Variants in SAMD12 observed in about 807,000 individuals in gnomAD.
SAMD12 encodes the protein sterile alpha motif domain-containing protein 12.
SAMD12 carries 9 observed loss-of-function variants against 15.0 expected under a neutral mutation model. The ratio of observed to expected loss-of-function variants is 0.60; its 90% CI spans 0.36 to 1.05. SAMD12 has a LOEUF of 1.05. Ranked by LOEUF, SAMD12 falls within the 50% of genes least tolerant of loss-of-function variation. The pLI, the probability that SAMD12 is intolerant of heterozygous loss-of-function variation, is 0.01. For missense variants in SAMD12, 230 were observed against 234.2 expected (o/e 0.98, Z 0.12); for synonymous variants, 86 against 90.1 (o/e 0.96, Z 0.25).
rs865946439 is a variant in SAMD12 at position 118,551,960 on chromosome 8, T to C, written c.192+28755A>G. 4.6e-5 allele frequency among the ~76,000 whole-genome samples: 7 copies of C among 151,330 alleles called. No individual in the cohort carries two copies. The South Asian group carries it at 1.5e-3, about 32-fold the overall frequency. ...GATAAATTCCTCGACACATACACTC[T>C]CCCAAGACTAAACCAGGAAGAAGTT... On this transcript the variant is annotated intron_variant, in intron 2 of 3. Transcript: ENST00000314727.
At chr8:118,551,946 C>G (rs372732499) in intron 2 of SAMD12, among the ~76,000 whole-genome samples, 41 of 151,088 alleles carry the variant, frequency 2.7e-4, no homozygotes, top group South Asian at 1.5e-3. Flanking sequence ...ATAAATTCCT[C>G]GACACATACA....
At chr8:118,440,695 C>CACACAA (rs1441761979) in intron 2 of SAMD12, among the ~76,000 whole-genome samples, 11 of 133,562 alleles carry the variant, frequency 8.2e-5, no homozygotes, top group African/African-American at 3.5e-4. Flanking sequence ...CACACACACA[C>CACACAA]AAACACACAC....
chr8:118,552,104 A>G (rs1014973421), intron 2 of SAMD12, among the ~76,000 whole-genome samples: 118 of 152,288 alleles, frequency 7.7e-4, no homozygotes, highest in Middle Eastern at 3.4e-3. Context: ...AGGTACGAGG[A>G]GGAACTGGTA....
chr8:118,523,819 A>G (rs1204533219), intron 2 of SAMD12, among the ~76,000 whole-genome samples: 1 of 152,096 alleles, frequency 6.6e-6, no homozygotes, highest in African/African-American at 2.4e-5. Flanking sequence ...ATTATGTCTG[A>G]AAACAGAGAA....
intron 2 of SAMD12, among the ~76,000 whole-genome samples, chr8:118,527,013 C>T (rs1825554306): frequency 6.6e-6 from 1 of 152,220 alleles, no homozygotes; most frequent in South Asian, 2.1e-4. Context: ...CAGCTCCAAA[C>T]CATATAATCA....
At chr8:118,612,744 C>T (rs142067454) in intron 1 of SAMD12, among the ~76,000 whole-genome samples, 362 of 152,300 alleles carry the variant, frequency 2.4e-3, no homozygotes, top group African/African-American at 8.0e-3. Context: ...AATTTAGGTT[C>T]GCACAACCTG....
chr8:118,486,296 G>C (rs1425392849), intron 2 of SAMD12, among the ~76,000 whole-genome samples: 1 of 151,812 alleles, frequency 6.6e-6, no homozygotes, highest in Non-Finnish European at 1.5e-5. Context: ...GGCGCCTGTA[G>C]TCCCAGCTAC....
At chr8:118,220,557 T>C (rs1173298136) in intron 4 of SAMD12, among the ~76,000 whole-genome samples, 1 of 152,214 alleles carries the variant, frequency 6.6e-6, no homozygotes, top group Non-Finnish European at 1.5e-5. Flanking sequence ...ATTCCTATCA[T>C]GTTATAAAAT....
chr8:118,482,454 C>T (rs1444427911), intron 2 of SAMD12, among the ~76,000 whole-genome samples: 2 of 149,350 alleles, frequency 1.3e-5, no homozygotes, highest in African/African-American at 2.4e-5. Context: ...CAACCTTGGA[C>T]GGGAAATATA....
chr8:118,299,313 G>A (rs527592125), intron 4 of SAMD12, among the ~76,000 whole-genome samples: 1 of 152,274 alleles, frequency 6.6e-6, no homozygotes, highest in East Asian at 1.9e-4. Flanking sequence ...TTTAGGCAGG[G>A]TTCAGAGAAA....
chr8:118,589,547 A>G (rs1296553470), intron 1 of SAMD12, among the ~76,000 whole-genome samples: 1 of 152,234 alleles, frequency 6.6e-6, no homozygotes, highest in African/African-American at 2.4e-5. Flanking sequence ...CAGAATCAGT[A>G]AAGTGGGGAC....
exon 5 of SAMD12, chr8:118,189,946 G>GGA (rs1319672355): frequency 1.9e-4 from 13 of 69,050 alleles, no homozygotes; most frequent in African/African-American, 6.5e-4. Flanking sequence ...ATGCACAGAG[G>GGA]AAAAAAAAAA....
chr8:118,440,654 G>T (rs1822714262), intron 2 of SAMD12, among the ~76,000 whole-genome samples: 1 of 75,008 alleles, frequency 1.3e-5, no homozygotes, highest in African/African-American at 5.4e-5. Context: ...TATTTATGAG[G>T]AAAACACACA....
intron 2 of SAMD12, among the ~76,000 whole-genome samples, chr8:118,544,088 C>A (rs1324506775): frequency 2.6e-5 from 4 of 152,104 alleles, no homozygotes; most frequent in Non-Finnish European, 5.9e-5. Flanking sequence ...AACTGAAACT[C>A]TCCATGGTTT....
intron 4 of SAMD12, among the ~76,000 whole-genome samples, chr8:118,338,220 G>A (rs1441959598): frequency 1.3e-5 from 2 of 152,166 alleles, no homozygotes; most frequent in Non-Finnish European, 2.9e-5. Flanking sequence ...AACTTAAAAG[G>A]ACAGAAACAA....
chr8:118,472,024 A>T (rs1164595329), intron 2 of SAMD12, among the ~76,000 whole-genome samples: 1 of 151,772 alleles, frequency 6.6e-6, no homozygotes, highest in Non-Finnish European at 1.5e-5. Context: ...GCGGTGGCTC[A>T]CGCCTGTAAT....
intron 2 of SAMD12, among the ~76,000 whole-genome samples, chr8:118,503,382 T>A (rs970467126): frequency 1.3e-5 from 2 of 152,184 alleles, no homozygotes; most frequent in Non-Finnish European, 2.9e-5. Context: ...GGTCCTTTAA[T>A]GGAAAGGCAT....
chr8:118,544,805 C>T (rs1296376770), intron 2 of SAMD12, among the ~76,000 whole-genome samples: 2 of 152,154 alleles, frequency 1.3e-5, no homozygotes, highest in African/African-American at 4.8e-5. Flanking sequence ...ACTCTGCCTC[C>T]CTACAATTTC....
At chr8:118,305,015 G>T (rs982159577) in intron 4 of SAMD12, among the ~76,000 whole-genome samples, 1 of 149,728 alleles carries the variant, frequency 6.7e-6, no homozygotes, top group Non-Finnish European at 1.5e-5. Flanking sequence ...CAGGTGTGGT[G>T]GTGGGCGCCC....
Sources: gnomAD v4.1 joint callset for allele counts (sites outside exome capture counted in the v4.1 genomes callset) on GRCh38, gnomAD v4.1.1 for gene constraint, MANE v1.5 for transcripts, NCBI Gene and HGNC (gene_info 2026-07-23, HGNC 2026-07-21) for gene names.